PPARGC1A: variants seen among roughly 807,000 people sequenced by gnomAD.
The protein encoded by PPARGC1A is peroxisome proliferator-activated receptor gamma coactivator 1-alpha.
Under a neutral mutation model 88.7 loss-of-function variants are expected in PPARGC1A, and 25 were observed. The ratio of observed to expected loss-of-function variants is 0.28; its 90% confidence interval spans 0.21 to 0.39. The LOEUF (loss-of-function observed/expected upper bound fraction) is 0.39. Ranked by LOEUF, PPARGC1A falls within the 10% of genes least tolerant of loss-of-function variation. The pLI, the probability that PPARGC1A is intolerant of heterozygous loss-of-function variation, is 1.00. For synonymous variants in PPARGC1A, 363 were observed against 355.6 expected (o/e 1.02, Z -0.24); for missense variants, 880 against 968.7 (o/e 0.91, Z 1.22).
At chr4:24,221,180 T>C in the PPARGC1A span, among the ~76,000 whole-genome samples, 1 of 152,190 alleles carries the variant, frequency 6.6e-6, no homozygotes, top group Non-Finnish European at 1.5e-5. Context: ...AAGAAAAAGA[T>C]AAAATGTTTC....
chr4:24,223,484 A>G, the PPARGC1A span, among the ~76,000 whole-genome samples: 1 of 152,316 alleles, frequency 6.6e-6, no homozygotes, highest in Non-Finnish European at 1.5e-5. Flanking sequence ...TCCTGACCTC[A>G]AATGATCTGC....
At chr4:23,920,172 T>G in the PPARGC1A span, among the ~76,000 whole-genome samples, 1 of 152,188 alleles carries the variant, frequency 6.6e-6, no homozygotes, top group Non-Finnish European at 1.5e-5. Flanking sequence ...CTATTGATTT[T>G]AAAAAGATAA....
chr4:24,059,122 C>A, the PPARGC1A span, among the ~76,000 whole-genome samples: 1 of 152,138 alleles, frequency 6.6e-6, no homozygotes, highest in Non-Finnish European at 1.5e-5. Context: ...CCAAGCCCCA[C>A]CACTTTAAGA....
the PPARGC1A span, chr4:24,091,705 T>G: frequency 1.1e-6 from 1 of 895,236 alleles, no homozygotes; most frequent in Non-Finnish European, 1.3e-6. Context: ...GGAACAAATT[T>G]GGGACACATG....
At chr4:24,288,935 G>A in the PPARGC1A span, among the ~76,000 whole-genome samples, 1 of 152,076 alleles carries the variant, frequency 6.6e-6, no homozygotes, top group Non-Finnish European at 1.5e-5. Context: ...CAAAGAAAAA[G>A]TTAGGGCCAG....
the PPARGC1A span, among the ~76,000 whole-genome samples, chr4:24,123,717 A>C: frequency 2.5e-4 from 38 of 152,228 alleles, 2 homozygotes; most frequent in African/African-American, 8.7e-4. Flanking sequence ...AAGATTTTCA[A>C]AATCAAGTCA....
At chr4:23,912,874 C>T in the PPARGC1A span, among the ~76,000 whole-genome samples, 6 of 151,458 alleles carry the variant, frequency 4.0e-5, no homozygotes, top group African/African-American at 7.3e-5. Flanking sequence ...CTACAAACTC[C>T]GCTTCCTGGG....
the PPARGC1A span, among the ~76,000 whole-genome samples, chr4:24,240,457 A>G: frequency 6.6e-6 from 1 of 152,188 alleles, no homozygotes; most frequent in African/African-American, 2.4e-5. Context: ...TTGTTAAAAT[A>G]TTACTGCTAA....
the PPARGC1A span, among the ~76,000 whole-genome samples, chr4:23,930,079 T>C: frequency 6.6e-6 from 1 of 152,236 alleles, no homozygotes; most frequent in African/African-American, 2.4e-5. Context: ...TTTAGCATCC[T>C]TGACATCTTT....
the PPARGC1A span, among the ~76,000 whole-genome samples, chr4:24,049,308 G>GTGCATATATA: frequency 7.2e-6 from 1 of 139,550 alleles, no homozygotes; most frequent in South Asian, 2.2e-4. Context: ...ATATATGTGT[G>GTGCATATATA]TATATATATA....
At chr4:24,148,764 A>G in the PPARGC1A span, among the ~76,000 whole-genome samples, 1 of 152,180 alleles carries the variant, frequency 6.6e-6, no homozygotes, top group Non-Finnish European at 1.5e-5. Flanking sequence ...GCTCACACAT[A>G]AGAAATGTAC....
At chr4:24,119,031 T>C in the PPARGC1A span, among the ~76,000 whole-genome samples, 2 of 152,240 alleles carry the variant, frequency 1.3e-5, no homozygotes, top group African/African-American at 4.8e-5. Context: ...CATCACCTTG[T>C]ACAGTCAATT....
intron 10 of PPARGC1A, among the ~76,000 whole-genome samples, chr4:23,805,744 T>A (rs1053913232): frequency 1.3e-5 from 2 of 152,144 alleles, no homozygotes; most frequent in African/African-American, 4.8e-5. Flanking sequence ...AATTTTTTTT[T>A]AATGAGCCTT....
chr4:23,844,016 T>TTA (rs898815161), intron 2 of PPARGC1A, among the ~76,000 whole-genome samples: 91 of 148,988 alleles, frequency 6.1e-4, no homozygotes, highest in Non-Finnish European at 1.2e-3. Flanking sequence ...TTTACAAATA[T>TTA]TATATATATA....
the PPARGC1A span, among the ~76,000 whole-genome samples, chr4:24,328,259 C>G: frequency 3.3e-4 from 49 of 147,860 alleles, no homozygotes; most frequent in African/African-American, 9.9e-4. Flanking sequence ...CAGCCCCCCC[C>G]CCAATCAGCA....
the PPARGC1A span, among the ~76,000 whole-genome samples, chr4:24,270,933 G>A: frequency 4.6e-5 from 7 of 152,196 alleles, no homozygotes; most frequent in Admixed American, 1.3e-4. Flanking sequence ...AAAATACCCA[G>A]GGTGTCAAAT....
chr4:23,921,921 C>T, the PPARGC1A span, among the ~76,000 whole-genome samples: 1 of 152,184 alleles, frequency 6.6e-6, no homozygotes, highest in Non-Finnish European at 1.5e-5. Context: ...TCTACATGGT[C>T]AAGCCTTGCT....
chr4:24,421,565 C>A, the PPARGC1A span, among the ~76,000 whole-genome samples: 25 of 152,152 alleles, frequency 1.6e-4, no homozygotes, highest in African/African-American at 5.8e-4. Flanking sequence ...CCCGCCTCCG[C>A]CTCCCAAAGT....
chr4:23,961,729 C>A, the PPARGC1A span, among the ~76,000 whole-genome samples: 2 of 151,990 alleles, frequency 1.3e-5, no homozygotes, highest in South Asian at 4.2e-4. Context: ...GGCCCTCTTC[C>A]CTGTGGTAAT....
Sources: gnomAD v4.1 joint callset for allele counts (sites outside exome capture counted in the v4.1 genomes callset) on GRCh38, gnomAD v4.1.1 for gene constraint, MANE v1.5 for transcripts, NCBI Gene and HGNC (gene_info 2026-07-23, HGNC 2026-07-21) for gene names.